SLCO1A2: variants seen among roughly 807,000 people sequenced by gnomAD.
SLCO1A2 encodes the protein solute carrier organic anion transporter family member 1A2.
A neutral mutation model predicts 69.0 loss-of-function variants in SLCO1A2; 67 were observed. That is an observed-to-expected ratio of 0.97 (90% confidence interval 0.80 to 1.19). The LOEUF (loss-of-function observed/expected upper bound fraction) is 1.19, where lower values mean the gene tolerates loss of function less well. Among genes scored for constraint, SLCO1A2 ranks in the 50% most tolerant of loss-of-function variants. The pLI is 0.00. For synonymous variants in SLCO1A2, 260 were observed against 265.9 expected (o/e 0.98, Z 0.22); for missense variants, 787 against 793.7 (o/e 0.99, Z 0.10).
chr12:21,365,183 T>C (rs1398927223), intron 2 of SLCO1A2, among the ~76,000 whole-genome samples: 1 of 152,178 alleles, frequency 6.6e-6, no homozygotes, highest in African/African-American at 2.4e-5. Context: ...AGCATGGTAC[T>C]GGTACCAAAA....
intron 2 of SLCO1A2, among the ~76,000 whole-genome samples, chr12:21,367,072 G>T (rs1252785285): frequency 2.6e-5 from 4 of 151,982 alleles, no homozygotes; most frequent in Non-Finnish European, 5.9e-5. Context: ...AATATATCAG[G>T]AATACAGAAA....
At chr12:21,277,580 C>G (rs1361609046) in intron 12 of SLCO1A2, among the ~76,000 whole-genome samples, 1 of 152,114 alleles carries the variant, frequency 6.6e-6, no homozygotes, top group Non-Finnish European at 1.5e-5. Flanking sequence ...TGGGGTAGAG[C>G]AGCGGTTCCC....
At chr12:21,314,470 G>T in intron 4 of SLCO1A2, 79 bp downstream of exon 4, 1 of 1,476,244 alleles carries the variant, frequency 6.8e-7, no homozygotes, top group Non-Finnish European at 9.4e-7. Flanking sequence ...GGAAAGCATT[G>T]CTCCTAGAGA....
chr12:21,288,497 T>C (rs1021318500), intron 12 of SLCO1A2, among the ~76,000 whole-genome samples: 2 of 151,686 alleles, frequency 1.3e-5, no homozygotes, highest in Admixed American at 6.6e-5. Context: ...AGCAGAAGGG[T>C]TGTTACCAGA....
rs901544813 is a variant in SLCO1A2 at position 21,268,906 on chromosome 12, TA to T, written c.*641del. On this transcript the variant is annotated 3_prime_UTR_variant, in exon 15 of 15. Transcript: ENST00000683939. ...CCAACAATCTTTGCCTCATGATGTTTAATAACCTGCTTAAGTTTGTCAGTAT... is the reference window on the plus strand; with the variant it reads ...CCAACAATCTTTGCCTCATGATGTTTATAACCTGCTTAAGTTTGTCAGTAT... 1 of 152,050 alleles carries T rather than the reference TA, an allele frequency of 6.6e-6. No homozygotes were observed. The highest frequency in any genetic ancestry group is 1.5e-5 in the Non-Finnish European group (1 of 67,942). 9.4% of individuals were successfully genotyped at this position (152,050 alleles called of 1,614,324 possible).
At chr12:21,313,047 C>T (rs1410165737) in intron 4 of SLCO1A2, among the ~76,000 whole-genome samples, 1 of 152,108 alleles carries the variant, frequency 6.6e-6, no homozygotes, top group African/African-American at 2.4e-5. Flanking sequence ...GATCGCACCA[C>T]TACACCCCAC....
intron 14 of SLCO1A2, 66 bp from the exon 15 acceptor site, chr12:21,269,833 A>ATATC (rs1942468772): frequency 2.5e-6 from 3 of 1,221,360 alleles, no homozygotes; most frequent in Middle Eastern, 2.2e-4. Context: ...CTAAATTTGT[A>ATATC]TATCTTTGTA....
chr12:21,304,611 A>G, intron 5 of SLCO1A2, 38 bp from the exon 6 acceptor site: 2 of 1,547,054 alleles, frequency 1.3e-6, no homozygotes, highest in Non-Finnish European at 1.8e-6. Context: ...TAGTGCTTTG[A>G]CGATAAAGTG....
At chr12:21,341,110 T>C (rs11838314) in intron 2 of SLCO1A2, among the ~76,000 whole-genome samples, 22,248 of 151,878 alleles carry the variant, frequency 0.15, 1,999 homozygotes, top group African/African-American at 0.25. Context: ...AAGTAACTTG[T>C]ACAAAGTCAC....
intron 1 of SLCO1A2, among the ~76,000 whole-genome samples, chr12:21,385,195 G>A (rs928215663): frequency 1.3e-5 from 2 of 152,140 alleles, no homozygotes; most frequent in African/African-American, 4.8e-5. Flanking sequence ...AAGCTAGGAG[G>A]CTGTGGTCCC....
intron 2 of SLCO1A2, among the ~76,000 whole-genome samples, chr12:21,350,866 T>TAAAAAA: frequency 1.2e-5 from 1 of 82,278 alleles, no homozygotes; most frequent in Non-Finnish European, 2.5e-5. Flanking sequence ...AAAAAAAAAG[T>TAAAAAA]CATGTTTCTC....
At chr12:21,359,762 AT>A (rs1024027135) in intron 2 of SLCO1A2, among the ~76,000 whole-genome samples, 5 of 151,894 alleles carry the variant, frequency 3.3e-5, no homozygotes, top group African/African-American at 4.8e-5. Flanking sequence ...AAAAAAAAAA[AT>A]CAATGGACTT....
intron 2 of SLCO1A2, among the ~76,000 whole-genome samples, chr12:21,347,699 A>AGGAAGGAAGGAAGGAAG (rs60038450): frequency 4.4e-5 from 3 of 68,480 alleles, no homozygotes; most frequent in Admixed American, 1.8e-4. Flanking sequence ...GAAGGAAGGA[A>AGGAAGGAAGGAAGGAAG]GAAGGAAAAA....
At chr12:21,302,893 T>C (rs1160021702) in intron 6 of SLCO1A2, among the ~76,000 whole-genome samples, 1 of 152,048 alleles carries the variant, frequency 6.6e-6, no homozygotes, top group Non-Finnish European at 1.5e-5. Context: ...GGTTTCATCA[T>C]ATTGATCAGG....
chr12:21,341,169 C>T (rs1050420362), intron 2 of SLCO1A2, among the ~76,000 whole-genome samples: 1 of 151,890 alleles, frequency 6.6e-6, no homozygotes, highest in African/African-American at 2.4e-5. Flanking sequence ...AAGTCTGGCC[C>T]TAGAGAATCG....
At position 21,300,653 on chromosome 12, in the gene SLCO1A2, C is replaced by T. The variant is rs1018331823; in HGVS notation, c.689-84G>A. On this transcript the variant is annotated intron_variant, in intron 7 of 14. Transcript: ENST00000683939. ...AGAAAATTATTAAAATTAGAATTAT[C>T]GGGTCCCAACCAACTATAAAATTGG... The T allele has an allele frequency of 2.1e-5, 23 of 1,090,356 alleles. 1 individual carries two copies. The highest frequency in any genetic ancestry group is 4.8e-5 in the African/African-American group (3 of 62,202). 67.5% of individuals were successfully genotyped at this position (1,090,356 alleles called of 1,614,324 possible).
intron 1 of SLCO1A2, among the ~76,000 whole-genome samples, chr12:21,392,285 G>C (rs1261102543): frequency 6.6e-6 from 1 of 152,154 alleles, no homozygotes; most frequent in Non-Finnish European, 1.5e-5. Flanking sequence ...CTAGATGTAA[G>C]AGCCCCAAAG....
At chr12:21,365,455 C>G (rs544225610) in intron 2 of SLCO1A2, among the ~76,000 whole-genome samples, 2 of 152,152 alleles carry the variant, frequency 1.3e-5, no homozygotes, top group Non-Finnish European at 1.5e-5. Context: ...TAGAAGAAAA[C>G]CTAGGCCATA....
chr12:21,357,591 T>A (rs190677875), intron 2 of SLCO1A2, among the ~76,000 whole-genome samples: 31 of 152,358 alleles, frequency 2.0e-4, no homozygotes, highest in Non-Finnish European at 3.4e-4. Context: ...GGACTATATG[T>A]AAGGATTTAG....
Sources: allele counts gnomAD v4.1 joint callset (sites outside exome capture counted in the v4.1 genomes callset), GRCh38; gene constraint gnomAD v4.1.1; transcripts MANE v1.5; gene names NCBI Gene and HGNC (gene_info 2026-07-23, HGNC 2026-07-21).